The following NCOA1 variants were observed in gnomAD, a reference collection of about 807,000 sequenced individuals.
NCOA1 encodes nuclear receptor coactivator 1.
Under a neutral mutation model 150.9 loss-of-function variants are expected in NCOA1, and 35 were observed. The ratio of observed to expected loss-of-function variants is 0.23; its 90% CI spans 0.18 to 0.31. The LOEUF (loss-of-function observed/expected upper bound fraction) is 0.31. Among genes scored for constraint, NCOA1 ranks in the 10% least tolerant of loss-of-function variants. NCOA1 has a pLI of 1.00. For synonymous variants in NCOA1, 590 were observed against 630.0 expected (o/e 0.94, Z 0.95); for missense variants, 1,491 against 1,749.3 (o/e 0.85, Z 2.63).
At chr2:24,669,192 A>G (rs1671575107) in intron 6 of NCOA1, among the ~76,000 whole-genome samples, 1 of 152,228 alleles carries the variant, frequency 6.6e-6, no homozygotes, top group Non-Finnish European at 1.5e-5. Flanking sequence ...GCATATTAGG[A>G]TATAGGCTAG....
rs150535921 is a variant in NCOA1 at position 24,763,842 on chromosome 2, G to A, written c.4155+1066G>A. Among the ~76,000 whole-genome samples the A allele has an allele frequency of 6.4e-3, 977 of 151,816 alleles. 11 individuals carry two copies. The highest frequency in any genetic ancestry group is 0.021 in the African/African-American group (875 of 41,414). Reference sequence around the variant, plus strand: ...TCGCCATTTTGACCAGGCCGGTCTCGAACTCCTGACCTAAGGTGATCCACC... The same window carrying A: ...TCGCCATTTTGACCAGGCCGGTCTCAAACTCCTGACCTAAGGTGATCCACC... On this transcript the variant is annotated intron_variant, in intron 22 of 22. Coordinates refer to ENST00000348332, the MANE Select transcript of NCOA1 (RefSeq NM_003743.5).
intron 8 of NCOA1, among the ~76,000 whole-genome samples, chr2:24,686,823 G>A (rs1023125175): frequency 6.6e-6 from 1 of 152,066 alleles, no homozygotes; most frequent in African/African-American, 2.4e-5. Flanking sequence ...CTATAAGTTT[G>A]GAATTGAACT....
At chr2:24,523,605 CA>C (rs979559677) in intron 1 of NCOA1, among the ~76,000 whole-genome samples, 678 of 17,664 alleles carry the variant, frequency 0.038, 2 homozygotes, top group African/African-American at 0.07. Context: ...GACTCCGTCT[CA>C]AAAAAAAAAA....
intron 1 of NCOA1, among the ~76,000 whole-genome samples, chr2:24,527,336 C>G (rs1664693847): frequency 6.6e-6 from 1 of 152,130 alleles, no homozygotes; most frequent in Non-Finnish European, 1.5e-5. Flanking sequence ...CAACCCTTGC[C>G]TCTGATGACT....
chr2:24,536,803 G>C (rs1459463662), intron 1 of NCOA1, among the ~76,000 whole-genome samples: 1 of 152,122 alleles, frequency 6.6e-6, no homozygotes, highest in African/African-American at 2.4e-5. Flanking sequence ...AGCAGATACT[G>C]CAGAACAGCA....
At chr2:24,715,561 T>C (rs1673987500) in intron 14 of NCOA1, among the ~76,000 whole-genome samples, 1 of 152,212 alleles carries the variant, frequency 6.6e-6, no homozygotes, top group Non-Finnish European at 1.5e-5. Flanking sequence ...ACAATATGTG[T>C]ACTCAGTATT....
intron 17 of NCOA1, among the ~76,000 whole-genome samples, chr2:24,736,410 TAAAAC>T (rs1245246723): frequency 6.6e-6 from 1 of 152,054 alleles, no homozygotes; most frequent in Non-Finnish European, 1.5e-5. Context: ...TTAGCAATCT[TAAAAC>T]AAGTCAAGTC....
At chr2:24,661,472 TATG>T (rs1205502983) in intron 5 of NCOA1, among the ~76,000 whole-genome samples, 2 of 152,216 alleles carry the variant, frequency 1.3e-5, no homozygotes, top group East Asian at 3.8e-4. Context: ...TAACATTATT[TATG>T]ATGTCTCTTG....
At position 24,491,326 on chromosome 2, in the gene NCOA1, G is replaced by A. The variant is rs1478376029; in HGVS notation, c.-672G>A. On this transcript the variant is annotated 5_prime_UTR_variant, in exon 1 of 23. Transcript: ENST00000348332. The stretch of plus-strand genomic sequence containing the variant: ...GCTGAAATGCCTGTTCTTCAGGCCG[G>A]GCGAGCGGGAGTCTGACGCGATTTG... 6.8e-6 allele frequency among the ~76,000 whole-genome samples: 1 copy of A among 147,764 alleles called. No homozygotes were observed. Among genetic ancestry groups the A allele is most frequent in the East Asian group, 2.0e-4 (1 of 5,104 alleles).
intron 1 of NCOA1, among the ~76,000 whole-genome samples, chr2:24,517,090 A>G (rs1474384952): frequency 6.8e-6 from 1 of 146,102 alleles, no homozygotes; most frequent in Non-Finnish European, 1.5e-5. Flanking sequence ...CTTTAAGGCT[A>G]GTGCATAATC....
At chr2:24,740,253 A>G (rs1367354180) in intron 18 of NCOA1, among the ~76,000 whole-genome samples, 1 of 152,208 alleles carries the variant, frequency 6.6e-6, no homozygotes, top group Non-Finnish European at 1.5e-5. Flanking sequence ...AAAGAGATAA[A>G]TACAGCCATG....
chr2:24,552,161 C>A (rs1040294636), intron 1 of NCOA1, among the ~76,000 whole-genome samples: 6 of 151,132 alleles, frequency 4.0e-5, no homozygotes, highest in Admixed American at 6.6e-5. Context: ...ATTTTAGAAT[C>A]AGCTTGTCAG....
At chr2:24,501,660 A>G (rs1037038741) in intron 1 of NCOA1, among the ~76,000 whole-genome samples, 1 of 152,248 alleles carries the variant, frequency 6.6e-6, no homozygotes, top group African/African-American at 2.4e-5. Context: ...AAAAATGGCT[A>G]TCATGATTCT....
intron 1 of NCOA1, among the ~76,000 whole-genome samples, chr2:24,508,077 A>G (rs1261581767): frequency 6.6e-6 from 1 of 152,152 alleles, no homozygotes; most frequent in African/African-American, 2.4e-5. Flanking sequence ...TTATTAAGAT[A>G]TCTCAAATCA....
intron 3 of NCOA1, among the ~76,000 whole-genome samples, chr2:24,642,167 T>C (rs1670260389): frequency 6.6e-6 from 1 of 151,900 alleles, no homozygotes; most frequent in Non-Finnish European, 1.5e-5. Context: ...ACTGACTTGT[T>C]TTTCTGCTGT....
chr2:24,691,459 A>T, intron 8 of NCOA1, 22 bp from the exon 9 acceptor site: 4 of 1,610,262 alleles, frequency 2.5e-6, no homozygotes, highest in Non-Finnish European at 3.4e-6. Flanking sequence ...TCGCAAGCAC[A>T]TAATCAATTT....
In NCOA1 at chr2:24,571,132, A is replaced by G. The variant is rs946227977; in HGVS notation, c.-260+6702A>G. ...GGGCTCCTGCTTCCTTACTATCTCG[A>G]GTACAGGGGAGGTTGTGGGTGAGGA... is the stretch of plus-strand genomic sequence containing the variant. On this transcript the variant is annotated intron_variant, in intron 2 of 22. Coordinates refer to ENST00000348332, the MANE Select transcript of NCOA1 (RefSeq NM_003743.5). 3.3e-5 allele frequency among the ~76,000 whole-genome samples: 5 copies of G among 151,786 alleles called. No homozygotes were observed. In the South Asian group the frequency reaches 1.0e-3, roughly 32 times the overall value.
intron 10 of NCOA1, among the ~76,000 whole-genome samples, chr2:24,695,046 A>G (rs979683955): frequency 5.9e-5 from 9 of 152,140 alleles, no homozygotes; most frequent in Non-Finnish European, 1.2e-4. Flanking sequence ...TTATGAGGCT[A>G]ATTTAGGAAC....
intron 6 of NCOA1, 23 bp from the exon 7 acceptor site, chr2:24,673,343 T>G: frequency 6.8e-7 from 1 of 1,475,446 alleles, no homozygotes; most frequent in Non-Finnish European, 9.1e-7. Context: ...GATATGTGAT[T>G]TTTTTAAGTT....
Sources: allele counts gnomAD v4.1 joint callset (sites outside exome capture counted in the v4.1 genomes callset), GRCh38; gene constraint gnomAD v4.1.1; transcripts MANE v1.5; gene names NCBI Gene and HGNC (gene_info 2026-07-23, HGNC 2026-07-21).